ERI1: variants seen among roughly 807,000 people sequenced by gnomAD.
The protein encoded by ERI1 is exoribonuclease 1, also known as 3'-5' exoribonuclease 1.
In ERI1, 39 loss-of-function variants were observed where a neutral mutation model predicts 39.7. The observed-to-expected ratio is 0.98, with a 90% CI of 0.76 to 1.28. ERI1 has a LOEUF of 1.28. ERI1 is among the 50% of genes most tolerant of loss of function. The probability of loss-of-function intolerance (pLI) is 0.00; values close to 1 mark genes in which losing one functional copy is unlikely to be tolerated. For synonymous variants in ERI1, 204 were observed against 149.6 expected (o/e 1.36, Z -2.65); for missense variants, 581 against 416.9 (o/e 1.39, Z -3.43).
At chr8:9,004,770 T>C (rs1360371300) in intron 1 of ERI1, among the ~76,000 whole-genome samples, 1 of 150,338 alleles carries the variant, frequency 6.7e-6, no homozygotes, top group Non-Finnish European at 1.5e-5. Flanking sequence ...TACTGCAACC[T>C]CCCGCCTCCC....
intron 3 of ERI1, among the ~76,000 whole-genome samples, chr8:9,068,007 A>G (rs1798935941): frequency 6.6e-6 from 1 of 152,178 alleles, no homozygotes; most frequent in Non-Finnish European, 1.5e-5. Flanking sequence ...CCTTCCCCCA[A>G]GCAAGAAGTT....
At chr8:9,041,715 T>C (rs893537315) in intron 3 of ERI1, among the ~76,000 whole-genome samples, 2 of 152,216 alleles carry the variant, frequency 1.3e-5, no homozygotes, top group Non-Finnish European at 2.9e-5. Flanking sequence ...TAGCAATACG[T>C]GGCTGCATTT....
At position 9,008,048 on chromosome 8, in the gene ERI1, G is replaced by C. The variant is rs1348560507; in HGVS notation, c.187G>C (p.Asp63His). Residue 63 changes from aspartate (D) to histidine (H), a missense_variant, in exon 2 of 7, where the codon GAC (aspartate) becomes CAC (histidine). Physicochemically the swap from Asp to His is moderately conservative, Grantham distance 81 (BLOSUM62 -1). Transcript: ENST00000250263. ...TACCTCCAGTGCGAGTGACTTCAGT[G>C]ACCCGGTTTACAAAGAGATTGCCAT... is the stretch of plus-strand genomic sequence containing the variant. ...FITSSASDFSDPVYKEIAITN... is the reference protein window; with the variant it reads ...FITSSASDFSHPVYKEIAITN... 2 of 1,601,534 alleles carry C rather than the reference G, an allele frequency of 1.2e-6. No homozygotes were observed. The highest frequency in any genetic ancestry group is 1.4e-5 in the African/African-American group (1 of 72,144).
In ERI1 at chr8:9,020,374, G is replaced by C. The variant is rs772146781; in HGVS notation, c.717G>C (p.Leu239Phe). The C allele has an allele frequency of 1.3e-6, 2 of 1,593,798 alleles. No homozygotes were observed. Among genetic ancestry groups the C allele is most frequent in the South Asian group, 2.3e-5 (2 of 85,972 alleles). The part of the protein sequence containing the change: ...TDGSWDMSKF[L>F]NIQCQLSRLK... ...GTTCTTGGGATATGAGTAAGTTCTT[G>C]AACATTCAGTGTCAACTCAGCAGGC... The change falls in exon 6 of 7, where the codon TTG (leucine) becomes TTC (phenylalanine). Residue 239 changes from leucine to phenylalanine, a missense_variant. Physicochemically the swap from Leu to Phe is conservative, Grantham distance 22. Coordinates refer to ENST00000250263, the MANE Select transcript of ERI1 (RefSeq NM_153332.4).
At chr8:9,053,632 A>G (rs140908112) in intron 3 of ERI1, among the ~76,000 whole-genome samples, 103 of 152,272 alleles carry the variant, frequency 6.8e-4, no homozygotes, top group African/African-American at 2.4e-3. Flanking sequence ...AAACTCCTCA[A>G]TTTATAGTCA....
In ERI1 at chr8:9,008,002, G is replaced by A. The variant is rs781318712; in HGVS notation, c.141G>A (p.Glu47=). Residue 47 remains glutamate, a synonymous_variant, in exon 2 of 7, where the codon GAG becomes GAA. Coordinates refer to ENST00000250263, the MANE Select transcript of ERI1 (RefSeq NM_153332.4). ...AACAGTGTAAATTTGATGGCCAGGA[G>A]ACAAAAGGATCCAAGTTCATTACCT... ...ETQQCKFDGQ[E]TKGSKFITSS... 1.3e-5 allele frequency: 19 copies of A among 1,474,238 alleles called. No individual in the cohort carries two copies. Among genetic ancestry groups the A allele is most frequent in the Non-Finnish European group, 1.5e-5 (17 of 1,101,868 alleles). The allele number at this position is 1,474,238 out of a possible 1,614,324, so 91.3% of individuals were successfully genotyped here.
rs754068610 is a variant in ERI1, at chr8:9,029,979, C to G, written c.995C>G (p.Ser332Cys). 3.7e-6 allele frequency: 6 copies of G among 1,614,128 alleles called. No individual in the cohort carries two copies. Among genetic ancestry groups the G allele is most frequent in the Admixed American group, 1.7e-5 (1 of 60,022 alleles). ...GCAGGACAGCTAATGAGTGTGTCCT[C>G]TTCCTTACCAATAGAGGGCACTCCA... ...MHAGQLMSVS[S>C]SLPIEGTPPP... Residue 332 changes from serine (S) to cysteine (C), a missense_variant, in exon 7 of 7, where the codon TCT becomes TGT. Ser to Cys is a moderately radical substitution (Grantham distance 112). Coordinates refer to ENST00000250263, the MANE Select transcript of ERI1 (RefSeq NM_153332.4).
At chr8:9,086,005 C>A (rs1055646106) in intron 3 of ERI1, among the ~76,000 whole-genome samples, 3 of 152,028 alleles carry the variant, frequency 2.0e-5, no homozygotes, top group African/African-American at 7.2e-5. Context: ...CTTGAGCAAC[C>A]AGGAGGAATC....
intron 3 of ERI1, among the ~76,000 whole-genome samples, chr8:9,083,674 C>T (rs961165636): frequency 2.0e-5 from 3 of 151,722 alleles, no homozygotes; most frequent in African/African-American, 4.8e-5. Flanking sequence ...CTGCTTCATG[C>T]TTGGCACAGT....
intron 3 of ERI1, among the ~76,000 whole-genome samples, chr8:9,081,098 G>A (rs998797130): frequency 3.9e-5 from 6 of 152,330 alleles, no homozygotes; most frequent in African/African-American, 1.4e-4. Context: ...CAGCAGGTGA[G>A]AGAGAAAGCA....
intron 3 of ERI1, among the ~76,000 whole-genome samples, chr8:9,042,795 T>A (rs1174143381): frequency 6.6e-6 from 1 of 152,184 alleles, no homozygotes; most frequent in Non-Finnish European, 1.5e-5. Flanking sequence ...CGAATAAATA[T>A]CAATATAATA....
downstream of ERI1, among the ~76,000 whole-genome samples, chr8:9,035,192 T>C (rs1274210878): frequency 3.8e-4 from 58 of 152,182 alleles, no homozygotes; most frequent in Admixed American, 3.8e-3. Context: ...AGCTAAGATC[T>C]AGCTAAGTTA....
intron 3 of ERI1, among the ~76,000 whole-genome samples, chr8:9,064,991 A>C (rs1457546072): frequency 6.6e-6 from 1 of 152,192 alleles, no homozygotes; most frequent in African/African-American, 2.4e-5. Context: ...GGGGGTCACA[A>C]GGTGCTCAGT....
At position 9,003,135 on chromosome 8, in the gene ERI1, G is replaced by T. The variant is rs965667550; in HGVS notation, c.72G>T (p.Pro24=). 1.1e-5 allele frequency: 14 copies of T among 1,244,146 alleles called. No homozygotes were observed. In the Admixed American group the frequency reaches 2.5e-4, roughly 22 times the overall value. 77.1% of individuals were successfully genotyped at this position (1,244,146 alleles called of 1,614,324 possible). ...TCGCGCTGCTGGAGTCGCCGCGGCCGGAGGGCGGGGAGGAGCCGCCGCGTC... is the reference window on the plus strand; with the variant it reads ...TCGCGCTGCTGGAGTCGCCGCGGCCTGAGGGCGGGGAGGAGCCGCCGCGTC... The part of the protein sequence containing the change: ...VALALLESPR[P]EGGEEPPRPS... The change falls in exon 1 of 7, where the codon CCG becomes CCT. Residue 24 remains proline, a synonymous_variant. Coordinates refer to ENST00000250263, the MANE Select transcript of ERI1 (RefSeq NM_153332.4).
chr8:9,044,943 A>C (rs138486337), intron 3 of ERI1, among the ~76,000 whole-genome samples: 3 of 152,068 alleles, frequency 2.0e-5, no homozygotes, highest in African/African-American at 7.2e-5. Flanking sequence ...GAAGCCCTTA[A>C]GAGTAGTAAT....
intron 3 of ERI1, among the ~76,000 whole-genome samples, chr8:9,097,472 C>T (rs1218571374): frequency 6.6e-6 from 1 of 151,976 alleles, no homozygotes; most frequent in Non-Finnish European, 1.5e-5. Context: ...AGTTCGAGAC[C>T]AGCCTGGCCA....
At chr8:9,020,212 C>CA (rs1817733271) in intron 5 of ERI1, 138 bp from the exon 6 acceptor site, 1 of 486,760 alleles carries the variant, frequency 2.1e-6, no homozygotes, top group Non-Finnish European at 3.6e-6. Context: ...TTGTAGGAAG[C>CA]AAGGTTAATT....
chr8:9,005,015 C>G (rs1815834749), intron 1 of ERI1, among the ~76,000 whole-genome samples: 1 of 152,082 alleles, frequency 6.6e-6, no homozygotes, highest in African/African-American at 2.4e-5. Context: ...CAATCTGGGC[C>G]AAAGTTTTTT....
chr8:9,020,933 T>G (rs558462561), intron 6 of ERI1, among the ~76,000 whole-genome samples: 1 of 152,358 alleles, frequency 6.6e-6, no homozygotes, highest in South Asian at 2.1e-4. Flanking sequence ...GTTTTTGTTT[T>G]TTTTCAAATA....
Sources: allele counts gnomAD v4.1 joint callset (sites outside exome capture counted in the v4.1 genomes callset), GRCh38; gene constraint gnomAD v4.1.1; transcripts MANE v1.5; gene names NCBI Gene and HGNC (gene_info 2026-07-23, HGNC 2026-07-21).